Variants in INTS14 observed in about 807,000 individuals in gnomAD.
INTS14 encodes the protein integrator complex subunit 14, also known as UPF0464 protein C15orf44.
A neutral mutation model predicts 56.9 loss-of-function variants in INTS14; 27 were observed. The ratio of observed to expected loss-of-function variants is 0.47; its 90% CI spans 0.35 to 0.65. The LOEUF is 0.65. INTS14 is among the 30% of genes least tolerant of loss of function. The pLI is 0.00. For missense variants in INTS14, 517 were observed against 632.2 expected (o/e 0.82, Z 1.95); for synonymous variants, 207 against 236.2 (o/e 0.88, Z 1.13).
rs115860626 is a variant in INTS14, at chr15:65,584,492, C to G, written c.1239+278G>C. On this transcript the variant is annotated intron_variant, in intron 10 of 11. Coordinates refer to ENST00000313182, the MANE Select transcript of INTS14 (RefSeq NM_001394796.1). ...ACAGGAAGCTCAGAGCCAAAACACT[C>G]ACATAAAGTTATTATTTTGCCTTGG... 5.9e-3 allele frequency among the ~76,000 whole-genome samples: 897 copies of G among 152,304 alleles called. 8 individuals are homozygous for G. Among genetic ancestry groups the G allele is most frequent in the African/African-American group, 0.019 (799 of 41,558 alleles).
intron 11 of INTS14, among the ~76,000 whole-genome samples, chr15:65,580,445 T>C (rs934748058): frequency 4.6e-5 from 7 of 152,128 alleles, no homozygotes; most frequent in South Asian, 4.1e-4. Flanking sequence ...CATGAGTAAA[T>C]AGCTGATGAC....
intron 11 of INTS14, among the ~76,000 whole-genome samples, chr15:65,580,627 T>TTC (rs1330266912): frequency 6.6e-6 from 1 of 152,208 alleles, no homozygotes; most frequent in Non-Finnish European, 1.5e-5. Context: ...GGTAATGAGA[T>TTC]AACACCCAGA....
At chr15:65,598,531 G>A (rs547285114) in intron 5 of INTS14, 68 bp from the exon 6 acceptor site, 30 of 1,480,896 alleles carry the variant, frequency 2.0e-5, no homozygotes, top group African/African-American at 1.1e-4. Flanking sequence ...TTTTCAGGAC[G>A]CAAGGGTTGT....
At chr15:65,580,433 A>G (rs1042916976) in intron 11 of INTS14, among the ~76,000 whole-genome samples, 11 of 151,908 alleles carry the variant, frequency 7.2e-5, no homozygotes, top group African/African-American at 2.7e-4. Context: ...CAAGTGTGTC[A>G]TCATGAGTAA....
At chr15:65,604,565 C>T (rs1566932041) in intron 3 of INTS14, among the ~76,000 whole-genome samples, 1 of 151,682 alleles carries the variant, frequency 6.6e-6, no homozygotes, top group African/African-American at 2.4e-5. Context: ...CTGGTCTCTA[C>T]AAAAAATGTA....
chr15:65,600,876 A>T (rs866289294), intron 3 of INTS14, among the ~76,000 whole-genome samples: 2 of 152,346 alleles, frequency 1.3e-5, no homozygotes, highest in Middle Eastern at 3.4e-3. Context: ...AACACTTAAA[A>T]AAGGACAAAA....
intron 9 of INTS14, among the ~76,000 whole-genome samples, chr15:65,591,367 A>G (rs1048566110): frequency 2.6e-5 from 4 of 152,200 alleles, no homozygotes; most frequent in African/African-American, 7.2e-5. Context: ...GCCGCTGAAG[A>G]ATTTGCATTT....
intron 10 of INTS14, among the ~76,000 whole-genome samples, chr15:65,583,365 T>A (rs2072697983): frequency 6.6e-6 from 1 of 152,166 alleles, no homozygotes. Context: ...AGGAATGAAG[T>A]ACTGATACAT....
At chr15:65,589,098 T>A (rs1425953629) in intron 9 of INTS14, among the ~76,000 whole-genome samples, 1 of 151,834 alleles carries the variant, frequency 6.6e-6, no homozygotes, top group African/African-American at 2.4e-5. Flanking sequence ...CAGAAAGGAG[T>A]CTGAATGCTA....
Position 65,607,699 on chromosome 15 carries a change from A to C in INTS14, c.-62-257T>G, listed in dbSNP as rs183504101. 2.9e-3 allele frequency among the ~76,000 whole-genome samples: 438 copies of C among 152,342 alleles called. 1 individual carries two copies. The highest frequency in any genetic ancestry group is 0.01 in the African/African-American group (424 of 41,594). ...ACTGGAAAAAAAAAAGCCCTGCTAA[A>C]TTCAGGTAGCCCTTAACTTTCACAC... On this transcript the variant is annotated intron_variant, in intron 1 of 11. Coordinates refer to ENST00000313182, the MANE Select transcript of INTS14 (RefSeq NM_001394796.1).
intron 6 of INTS14, among the ~76,000 whole-genome samples, chr15:65,597,228 C>T (rs768911263): frequency 6.6e-6 from 1 of 152,100 alleles, no homozygotes; most frequent in Non-Finnish European, 1.5e-5. Context: ...TGTTCACAGC[C>T]CCTCACTCCA....
chr15:65,607,423 C>T lies in INTS14; in HGVS notation c.-43G>A. ...TGTTCCCAATCAGAATGCAAACAGA[C>T]AGCTATAAACGAAGAAATGCTGCAG... On this transcript the variant is annotated 5_prime_UTR_variant, in exon 2 of 12. Coordinates refer to ENST00000313182, the MANE Select transcript of INTS14 (RefSeq NM_001394796.1). 1.2e-6 allele frequency: 2 copies of T among 1,603,548 alleles called. No individual in the cohort carries two copies. Among genetic ancestry groups the T allele is most frequent in the South Asian group, 2.2e-5 (2 of 90,230 alleles).
chr15:65,579,496 C>T lies in INTS14; in HGVS notation c.1469G>A (p.Ser490Asn), dbSNP rs745353624. 6.2e-7 allele frequency: 1 copy of T among 1,614,256 alleles called. No individual in the cohort carries two copies. The highest frequency in any genetic ancestry group is 2.2e-5 in the East Asian group (1 of 44,896). Reference sequence around the variant, plus strand: ...AGCGGCATACTCAGAGGTGCCGGTACTGGCCAGCTTGAGCTGCTGGGCAGC... The same window carrying T: ...AGCGGCATACTCAGAGGTGCCGGTATTGGCCAGCTTGAGCTGCTGGGCAGC... ...THAAQQLKLA[S>N]TGTSEYAAYD... Residue 490 changes from serine (S) to asparagine (N), a missense_variant, in exon 12 of 12, where the codon AGT becomes AAT. By Grantham distance (46) the Ser-to-Asn change is conservative. Coordinates refer to ENST00000313182, the MANE Select transcript of INTS14 (RefSeq NM_001394796.1).
intron 9 of INTS14, among the ~76,000 whole-genome samples, chr15:65,588,327 G>T (rs1250950394): frequency 6.6e-6 from 1 of 150,772 alleles, no homozygotes; most frequent in African/African-American, 2.4e-5. Flanking sequence ...ATAATAAAAT[G>T]GGGGAACCCC....
chr15:65,593,385 G>A (rs376238826), intron 8 of INTS14, 43 bp downstream of exon 8: 1 of 1,571,846 alleles, frequency 6.4e-7, no homozygotes, highest in Non-Finnish European at 8.6e-7. Flanking sequence ...TTTGTAAAAT[G>A]ATTTTCCCTT....
At position 65,599,734 on chromosome 15, in the gene INTS14, A is replaced by C. The variant is rs897167495; in HGVS notation, c.486+40T>G. On this transcript the variant is annotated intron_variant, in intron 4 of 11. Transcript: ENST00000313182. ...ACTGAAAAATAAACTAAGCTGTAAAATATGCCTAATCAAACTAAAAACTTA... is the reference window on the plus strand; with the variant it reads ...ACTGAAAAATAAACTAAGCTGTAAACTATGCCTAATCAAACTAAAAACTTA... The C allele has an allele frequency of 1.9e-6, 3 of 1,603,060 alleles. No homozygotes were observed. The African/African-American group carries it at 4.0e-5, about 21-fold the overall frequency.
chr15:65,600,926 G>C (rs982198871), intron 3 of INTS14, among the ~76,000 whole-genome samples: 2 of 152,160 alleles, frequency 1.3e-5, no homozygotes, highest in South Asian at 4.2e-4. Flanking sequence ...ATTAAAACTA[G>C]AACCCCAACT....
Position 65,605,140 on chromosome 15 carries a change from T to C in INTS14, c.319A>G (p.Ile107Val), listed in dbSNP as rs1262299944. The change falls in exon 3 of 12, where the codon ATT becomes GTT. Residue 107 changes from isoleucine (I) to valine (V), a missense_variant. Coordinates refer to ENST00000313182, the MANE Select transcript of INTS14 (RefSeq NM_001394796.1). ...GAATTGATCATTACCTGGCAAGGAATTGCACCACCCCATTCTTGCTGAACG... is the reference window on the plus strand; with the variant it reads ...GAATTGATCATTACCTGGCAAGGAACTGCACCACCCCATTCTTGCTGAACG... ...NIVQQEWGGA[I>V]PCQVVLVTDG... 6.2e-6 allele frequency: 10 copies of C among 1,613,648 alleles called. No homozygotes were observed. The highest frequency in any genetic ancestry group is 2.2e-5 in the East Asian group (1 of 44,870).
At chr15:65,587,417 G>C (rs2072865609) in intron 9 of INTS14, among the ~76,000 whole-genome samples, 1 of 147,892 alleles carries the variant, frequency 6.8e-6, no homozygotes, top group Admixed American at 6.8e-5. Flanking sequence ...TAGTTATATA[G>C]AAAACAAGCA....
Sources: gnomAD v4.1 joint callset for allele counts (sites outside exome capture counted in the v4.1 genomes callset) on GRCh38, gnomAD v4.1.1 for gene constraint, MANE v1.5 for transcripts, NCBI Gene and HGNC (gene_info 2026-07-23, HGNC 2026-07-21) for gene names.